F13A1: variants seen among roughly 807,000 people sequenced by gnomAD.
F13A1 encodes coagulation factor XIII A chain, also known as FSF, A subunit.
Under a neutral mutation model 80.1 loss-of-function variants are expected in F13A1, and 47 were observed. That is an observed-to-expected ratio of 0.59 (90% CI 0.46 to 0.75). The LOEUF is 0.75. F13A1 is among the 30% of genes least tolerant of loss of function. The probability of loss-of-function intolerance (pLI) is 0.00; values close to 1 mark genes in which losing one functional copy is unlikely to be tolerated. For missense variants in F13A1, 817 were observed against 930.4 expected (o/e 0.88, Z 1.59); for synonymous variants, 349 against 344.9 (o/e 1.01, Z -0.13).
chr6:6,167,425 G>C, intron 13 of F13A1, 33 bp downstream of exon 13: 1 of 1,598,290 alleles, frequency 6.3e-7, no homozygotes. Flanking sequence ...GCGTGCCTTT[G>C]TCTCTGTTCC....
intron 2 of F13A1, among the ~76,000 whole-genome samples, chr6:6,311,121 C>G (rs1317822453): frequency 6.6e-6 from 1 of 152,046 alleles, no homozygotes; most frequent in Non-Finnish European, 1.5e-5. Context: ...TTGTAATCCC[C>G]TTGAAGACTG....
chr6:6,181,803 A>G, intron 11 of F13A1, among the ~76,000 whole-genome samples, 185 bp downstream of exon 11: 1 of 152,232 alleles, frequency 6.6e-6, no homozygotes, highest in Non-Finnish European at 1.5e-5. Context: ...GCAAGCTAGC[A>G]AAGAAAACTA....
intron 13 of F13A1, among the ~76,000 whole-genome samples, chr6:6,158,172 G>A (rs1265307520): frequency 1.3e-5 from 2 of 152,096 alleles, no homozygotes; most frequent in African/African-American, 4.8e-5. Context: ...GGACTCATAG[G>A]TAGATACCTC....
At chr6:6,222,230 G>A in intron 7 of F13A1, 59 bp from the exon 8 acceptor site, 1 of 1,608,088 alleles carries the variant, frequency 6.2e-7, no homozygotes, top group Non-Finnish European at 8.5e-7. Flanking sequence ...AACACAGAGT[G>A]AAAAAACCCT....
intron 2 of F13A1, among the ~76,000 whole-genome samples, chr6:6,314,540 G>A (rs1273968473): frequency 2.0e-5 from 3 of 151,884 alleles, no homozygotes; most frequent in Admixed American, 6.6e-5. Context: ...TCTAAGTCTC[G>A]GCTCCAATAT....
At chr6:6,301,359 A>T (rs1050206378) in intron 3 of F13A1, among the ~76,000 whole-genome samples, 1 of 152,186 alleles carries the variant, frequency 6.6e-6, no homozygotes, top group African/African-American at 2.4e-5. Flanking sequence ...ACTAAATAGT[A>T]GAGTGTGGAA....
At chr6:6,304,860 C>CAAAAAAAAAAAA (rs10719492) in intron 3 of F13A1, among the ~76,000 whole-genome samples, 3 of 103,244 alleles carry the variant, frequency 2.9e-5, no homozygotes, top group Admixed American at 1.0e-4. Flanking sequence ...GACTCTGTCT[C>CAAAAAAAAAAAA]AAAAAAAAAA....
At chr6:6,219,220 T>C (rs1757150833) in intron 8 of F13A1, among the ~76,000 whole-genome samples, 1 of 151,884 alleles carries the variant, frequency 6.6e-6, no homozygotes, top group Non-Finnish European at 1.5e-5. Flanking sequence ...AGGAAATCCA[T>C]CAGGCCATGT....
chr6:6,291,800 C>T (rs530702753), intron 3 of F13A1, among the ~76,000 whole-genome samples: 3 of 152,288 alleles, frequency 2.0e-5, no homozygotes, highest in Admixed American at 6.5e-5. Flanking sequence ...ACTTGATTTA[C>T]CTTTTTCTGA....
At chr6:6,199,427 T>G (rs1761352925) in intron 8 of F13A1, among the ~76,000 whole-genome samples, 1 of 151,744 alleles carries the variant, frequency 6.6e-6, no homozygotes, top group Admixed American at 6.6e-5. Flanking sequence ...GAGGCGGAGC[T>G]TGCAGTAGTG....
intron 13 of F13A1, among the ~76,000 whole-genome samples, chr6:6,153,849 C>T (rs1760427598): frequency 1.3e-5 from 2 of 152,174 alleles, no homozygotes; most frequent in South Asian, 4.1e-4. Context: ...ATATTTGTAT[C>T]AGCTCGATCA....
intron 8 of F13A1, among the ~76,000 whole-genome samples, chr6:6,221,090 C>T (rs1053715653): frequency 1.6e-4 from 25 of 152,332 alleles, no homozygotes; most frequent in African/African-American, 6.0e-4. Flanking sequence ...GCATGAGACT[C>T]ATTTTTGGCT....
intron 8 of F13A1, among the ~76,000 whole-genome samples, chr6:6,199,045 T>C (rs1246455366): frequency 1.3e-5 from 2 of 152,196 alleles, no homozygotes; most frequent in Admixed American, 6.5e-5. Context: ...GGCTGGAGCA[T>C]AGCGTGTTTG....
intron 5 of F13A1, among the ~76,000 whole-genome samples, chr6:6,248,806 C>A (rs182348397): frequency 6.6e-6 from 1 of 152,254 alleles, no homozygotes; most frequent in Non-Finnish European, 1.5e-5. Context: ...CTTAGGACCT[C>A]GAAAGTAATG....
chr6:6,212,011 C>A lies in F13A1; in HGVS notation c.1112+10022G>T, dbSNP rs9504709. On this transcript the variant is annotated intron_variant, in intron 8 of 14. Transcript: ENST00000264870. ...CACACCAGGAGATTATATCCCGCAC[C>A]TGGCTCGGAGGGTCCTATGCCCACG... Among the ~76,000 whole-genome samples the A allele has an allele frequency of 9.0e-3, 1,377 of 152,372 alleles. 16 individuals are homozygous for A. The highest frequency in any genetic ancestry group is 0.029 in the African/African-American group (1,222 of 41,592).
intron 3 of F13A1, among the ~76,000 whole-genome samples, chr6:6,285,131 C>A (rs546827835): frequency 6.6e-6 from 1 of 152,312 alleles, no homozygotes; most frequent in East Asian, 1.9e-4. Flanking sequence ...CACCTGTAAT[C>A]CCAGCTACTC....
chr6:6,176,559 A>G (rs1325973789), intron 11 of F13A1, among the ~76,000 whole-genome samples: 2 of 152,212 alleles, frequency 1.3e-5, no homozygotes, highest in Admixed American at 1.3e-4. Context: ...GTGTGTATTA[A>G]CGATTTCCCT....
intron 4 of F13A1, among the ~76,000 whole-genome samples, chr6:6,261,296 A>T (rs1757777437): frequency 6.6e-6 from 1 of 151,984 alleles, no homozygotes; most frequent in Non-Finnish European, 1.5e-5. Flanking sequence ...GTTATTGCTT[A>T]TTGTCTTTCT....
chr6:6,218,819 A>G (rs956437621), intron 8 of F13A1, among the ~76,000 whole-genome samples: 4 of 152,214 alleles, frequency 2.6e-5, no homozygotes, highest in Non-Finnish European at 5.9e-5. Context: ...AGACAGAGCC[A>G]AACTTGTCAC....
Sources: gnomAD v4.1 joint callset for allele counts (sites outside exome capture counted in the v4.1 genomes callset) on GRCh38, gnomAD v4.1.1 for gene constraint, MANE v1.5 for transcripts, NCBI Gene and HGNC (gene_info 2026-07-23, HGNC 2026-07-21) for gene names.